SLC30A10: variants seen among roughly 807,000 people sequenced by gnomAD.
SLC30A10 encodes calcium/manganese antiporter SLC30A10.
Under a neutral mutation model 21.7 loss-of-function variants are expected in SLC30A10, and 8 were observed. The observed-to-expected ratio is 0.37, with a 90% CI of 0.22 to 0.67. SLC30A10 has a LOEUF of 0.67. Ranked by LOEUF, SLC30A10 falls within the 30% of genes least tolerant of loss-of-function variation. SLC30A10 has a pLI of 0.58. For missense variants in SLC30A10, 521 were observed against 642.5 expected (o/e 0.81, Z 2.04); for synonymous variants, 272 against 279.4 (o/e 0.97, Z 0.26).
chr1:219,922,210 T>TG (rs1659712032), intron 2 of SLC30A10, among the ~76,000 whole-genome samples: 2 of 75,172 alleles, frequency 2.7e-5, no homozygotes, highest in African/African-American at 5.0e-5. Context: ...TTTTTTTTTT[T>TG]TTTTTTTTTT....
chr1:219,937,024 T>TA (rs1354612857), intron 1 of SLC30A10, among the ~76,000 whole-genome samples: 3 of 152,282 alleles, frequency 2.0e-5, no homozygotes, highest in African/African-American at 4.8e-5. Context: ...AGTCTTTTTT[T>TA]AAAAAAAGAA....
At chr1:219,948,506 T>C (rs909565383) in intron 1 of SLC30A10, among the ~76,000 whole-genome samples, 1 of 152,196 alleles carries the variant, frequency 6.6e-6, no homozygotes, top group African/African-American at 2.4e-5. Flanking sequence ...AAACAAGCAA[T>C]GGGGAAAAGA....
intron 3 of SLC30A10, among the ~76,000 whole-genome samples, chr1:219,917,825 C>T (rs1257431900): frequency 1.3e-5 from 2 of 150,862 alleles, no homozygotes; most frequent in Non-Finnish European, 2.9e-5. Context: ...ATTCTCCTGC[C>T]TCAGCCTCCC....
chr1:219,947,446 T>A (rs1049394846), intron 1 of SLC30A10, among the ~76,000 whole-genome samples: 1 of 151,996 alleles, frequency 6.6e-6, no homozygotes, highest in African/African-American at 2.4e-5. Flanking sequence ...GATGGGAGGA[T>A]CGCTTGAGCC....
chr1:219,937,731 T>C (rs935165328), intron 1 of SLC30A10, among the ~76,000 whole-genome samples: 7 of 152,232 alleles, frequency 4.6e-5, no homozygotes, highest in Non-Finnish European at 8.8e-5. Flanking sequence ...AAGAATCGCT[T>C]GAACCTGGAG....
chr1:219,933,621 T>C (rs2102539342), upstream of SLC30A10, among the ~76,000 whole-genome samples: 1 of 152,262 alleles, frequency 6.6e-6, no homozygotes, highest in African/African-American at 2.4e-5. Flanking sequence ...TATAAATTGC[T>C]TGGGATAGTG....
chr1:219,927,895 C>A lies in SLC30A10; in HGVS notation c.546G>T (p.Pro182=). The A allele has an allele frequency of 2.6e-6, 4 of 1,539,772 alleles. No homozygotes were observed. Among genetic ancestry groups the A allele is most frequent in the Non-Finnish European group, 3.5e-6 (4 of 1,143,026 alleles). The change falls in exon 1 of 4, where the codon CCG becomes CCT. Residue 182 remains proline (P), a synonymous_variant. Transcript: ENST00000366926. ...CGGCCGAGTCCGAGCCTGGGGCTGTCGGGTCCGCCGCGCGCCGCGGGTCCT... is the reference window on the plus strand; with the variant it reads ...CGGCCGAGTCCGAGCCTGGGGCTGTAGGGTCCGCCGCGCGCCGCGGGTCCT... ...GAEDPRRAAD[P]TAPGSDSAVT... is the part of the protein sequence containing the mutation.
chr1:219,923,929 G>A (rs1327572567), intron 2 of SLC30A10, among the ~76,000 whole-genome samples: 1 of 152,172 alleles, frequency 6.6e-6, no homozygotes, highest in Non-Finnish European at 1.5e-5. Flanking sequence ...CGGGTGCAGT[G>A]GCGCGCGCCT....
chr1:219,914,350 T>C lies in SLC30A10; in HGVS notation c.*1099A>G, dbSNP rs1349842445. ...CAGCGACATGAAAGAAAATTTTAAG[T>C]TCCTCAAAAACACATTAAAGGCAGC... On this transcript the variant is annotated 3_prime_UTR_variant, in exon 4 of 4. Coordinates refer to ENST00000366926, the MANE Select transcript of SLC30A10 (RefSeq NM_018713.3). 6.6e-6 allele frequency: 1 copy of C among 152,238 alleles called. No individual in the cohort carries two copies. The highest frequency in any genetic ancestry group is 1.5e-5 in the Non-Finnish European group (1 of 68,032). 9.4% of individuals were successfully genotyped at this position (152,238 alleles called of 1,614,324 possible).
intron 1 of SLC30A10, among the ~76,000 whole-genome samples, chr1:219,951,754 A>G (rs1169020695): frequency 6.6e-6 from 1 of 151,960 alleles, no homozygotes; most frequent in African/African-American, 2.4e-5. Context: ...AAAGGAAAGA[A>G]ACAGGGACTT....
chr1:219,924,017 C>T (rs574703688), intron 2 of SLC30A10, among the ~76,000 whole-genome samples: 3 of 152,146 alleles, frequency 2.0e-5, no homozygotes, highest in Non-Finnish European at 4.4e-5. Flanking sequence ...GTCAATACCA[C>T]GACACTGCAC....
At chr1:219,946,653 C>A (rs967596175) in intron 1 of SLC30A10, among the ~76,000 whole-genome samples, 5 of 152,086 alleles carry the variant, frequency 3.3e-5, no homozygotes, top group African/African-American at 1.2e-4. Context: ...CCTTCCTGGG[C>A]TTCCTCCTTC....
At chr1:219,924,825 C>G (rs1659776577) in intron 2 of SLC30A10, among the ~76,000 whole-genome samples, 1 of 152,150 alleles carries the variant, frequency 6.6e-6, no homozygotes, top group African/African-American at 2.4e-5. Flanking sequence ...TATTTCAAAG[C>G]AATCCCATAA....
rs1659770452 is a variant in SLC30A10, at chr1:219,924,575, A to G, written c.718+2453T>C. Among the ~76,000 whole-genome samples, 4 of 152,300 alleles carry G rather than the reference A, an allele frequency of 2.6e-5. No individual in the cohort carries two copies. The South Asian group carries it at 8.3e-4, about 32-fold the overall frequency. On this transcript the variant is annotated intron_variant, in intron 2 of 3. Transcript: ENST00000366926. ...TAGCCGGGAATATGTAAAGGCTCCTATTAGCCACAGTACAGGTACTCATCA... is the reference window on the plus strand; with the variant it reads ...TAGCCGGGAATATGTAAAGGCTCCTGTTAGCCACAGTACAGGTACTCATCA...
chr1:219,933,130 G>A (rs1331378740), upstream of SLC30A10, among the ~76,000 whole-genome samples: 2 of 151,876 alleles, frequency 1.3e-5, no homozygotes, highest in Admixed American at 1.3e-4. Flanking sequence ...ATATTTATAA[G>A]GGAGTTGTGA....
intron 1 of SLC30A10, among the ~76,000 whole-genome samples, chr1:219,950,101 C>T (rs1309691757): frequency 6.6e-6 from 1 of 152,178 alleles, no homozygotes; most frequent in Non-Finnish European, 1.5e-5. Context: ...AATACAAAGT[C>T]CAGCTCTAAC....
intron 1 of SLC30A10, 54 bp from the exon 2 acceptor site, chr1:219,927,159 A>C (rs761006567): frequency 1.1e-5 from 17 of 1,583,644 alleles, no homozygotes; most frequent in Middle Eastern, 3.4e-4. Context: ...AACAAACAAA[A>C]AAAAACCAAT....
rs1271723268 is a variant in SLC30A10 at position 219,922,213 on chromosome 1, T to G, written c.719-3719A>C. ...TTTTTTTTTTTTTTTTTTTTTTTTT[T>G]TTTTTTTTTTTTTTTTTTGCAGAGA... On this transcript the variant is annotated intron_variant, in intron 2 of 3. Coordinates refer to ENST00000366926, the MANE Select transcript of SLC30A10 (RefSeq NM_018713.3). Among the ~76,000 whole-genome samples the G allele has an allele frequency of 7.2e-4, 43 of 59,734 alleles. 1 individual carries two copies. The highest frequency in any genetic ancestry group is 1.1e-3 in the East Asian group (2 of 1,782). 39.2% of individuals were successfully genotyped at this position (59,734 alleles called of 152,430 possible).
At chr1:219,922,012 G>C (rs984216289) in intron 2 of SLC30A10, among the ~76,000 whole-genome samples, 4 of 151,484 alleles carry the variant, frequency 2.6e-5, no homozygotes, top group African/African-American at 9.7e-5. Context: ...GGAGTACAGT[G>C]GCACAATCAT....
Sources: gnomAD v4.1 joint callset for allele counts (sites outside exome capture counted in the v4.1 genomes callset) on GRCh38, gnomAD v4.1.1 for gene constraint, MANE v1.5 for transcripts, NCBI Gene and HGNC (gene_info 2026-07-23, HGNC 2026-07-21) for gene names.